Variants in GPN1 observed in about 807,000 individuals in gnomAD.
GPN1 encodes the protein ATP(GTP)-binding protein.
In GPN1, 44 loss-of-function variants were observed where a neutral mutation model predicts 55.9. The ratio of observed to expected loss-of-function variants is 0.79; its 90% CI spans 0.62 to 1.01. The LOEUF is 1.01. Ranked by LOEUF, GPN1 falls within the 50% of genes least tolerant of loss-of-function variation. GPN1 has a pLI of 0.00. For synonymous variants in GPN1, 179 were observed against 162.5 expected (o/e 1.10, Z -0.77); for missense variants, 466 against 462.8 (o/e 1.01, Z -0.06).
Position 27,640,064 on chromosome 2 carries a change from C to G in GPN1, c.739C>G (p.Leu247Val), listed in dbSNP as rs1673877799. 1.2e-6 allele frequency: 2 copies of G among 1,612,156 alleles called. No individual in the cohort carries two copies. Among genetic ancestry groups the G allele is most frequent in the Admixed American group, 1.7e-5 (1 of 59,994 alleles). Residue 247 changes from leucine to valine, a missense_variant, in exon 10 of 14, where the codon CTG (leucine) becomes GTG (valine). By Grantham distance (32) the Leu-to-Val change is conservative (BLOSUM62 1). Coordinates refer to ENST00000610189, the MANE Select transcript of GPN1 (RefSeq NM_007266.4). ...GCAGGTGGTGGGTGTCTCTGCTGTT[C>G]TGGGTACTGGATTAGATGAACTCTT... ...SLRVVGVSAV[L>V]GTGLDELFVQ...
Position 27,647,918 on chromosome 2 carries a change from C to T in GPN1, c.1014C>T (p.Ser338=), listed in dbSNP as rs1674317521. 19 of 1,609,808 alleles carry T rather than the reference C, an allele frequency of 1.2e-5. No individual in the cohort carries two copies. In the East Asian group the frequency reaches 1.8e-4, roughly 15 times the overall value. The stretch of plus-strand genomic sequence containing the variant: ...ATGAAGAGGATGAGGAAGCAGACAG[C>T]GATACTGATGACATTGACCACAGAG... ...TLDEEDEEAD[S]DTDDIDHRVT... is the part of the protein sequence containing the mutation. The change falls in exon 13 of 14, where the codon AGC becomes AGT. Residue 338 remains serine (S), a synonymous_variant. Coordinates refer to ENST00000610189, the MANE Select transcript of GPN1 (RefSeq NM_007266.4).
chr2:27,631,654 C>T (rs1673557014), intron 3 of GPN1, 180 bp from the exon 4 acceptor site: 3 of 609,050 alleles, frequency 4.9e-6, no homozygotes, highest in Non-Finnish European at 8.8e-6. Context: ...AATGAGTGAG[C>T]CAGACCTTGA....
chr2:27,641,214 A>C (rs1386653315), intron 10 of GPN1, 26 bp from the exon 11 acceptor site: 2 of 1,562,664 alleles, frequency 1.3e-6, no homozygotes, highest in Admixed American at 1.7e-5. Flanking sequence ...TAAGCAAAGG[A>C]ATTTAGAAAG....
chr2:27,630,386 GTT>G (rs202052577), intron 2 of GPN1, among the ~76,000 whole-genome samples: 17,676 of 81,646 alleles, frequency 0.22, 1,281 homozygotes, highest in East Asian at 0.33. Flanking sequence ...AACAGCTTAG[GTT>G]TTTTTTTTTT....
chr2:27,632,297 G>C (rs998083687), intron 4 of GPN1, among the ~76,000 whole-genome samples: 3 of 152,158 alleles, frequency 2.0e-5, no homozygotes, highest in Non-Finnish European at 4.4e-5. Context: ...CCATAAGAGT[G>C]TTTTATAATC....
chr2:27,640,901 G>T (rs555351661), intron 10 of GPN1, among the ~76,000 whole-genome samples: 2 of 152,082 alleles, frequency 1.3e-5, no homozygotes, highest in African/African-American at 4.8e-5. Flanking sequence ...GCACATAATT[G>T]TATGTTGCAC....
chr2:27,647,978 G>T, intron 13 of GPN1, 35 bp downstream of exon 13: 1 of 1,153,066 alleles, frequency 8.7e-7, no homozygotes, highest in Non-Finnish European at 1.3e-6. Context: ...TGGCAACAGA[G>T]CATCTGCTTA....
In GPN1 at chr2:27,643,021, AAAT is replaced by A. The variant is rs1224599617; in HGVS notation, c.931+505_931+507del. Among the ~76,000 whole-genome samples the A allele has an allele frequency of 1.3e-5, 2 of 151,184 alleles. No individual in the cohort carries two copies. The highest frequency in any genetic ancestry group is 6.6e-5 in the Admixed American group (1 of 15,068). On this transcript the variant is annotated intron_variant, in intron 12 of 13. Transcript: ENST00000610189. This position sits in a 1 kb window ranked among gnomAD's most constrained non-coding sequence, Gnocchi z 4.0. ...TACATATGCATACATATATATTAAA[AAAT>A]AAAGGATTTGGAAAGGCAAATTTGA...
intron 12 of GPN1, among the ~76,000 whole-genome samples, chr2:27,647,438 C>T (rs1674290909): frequency 6.6e-6 from 1 of 152,122 alleles, no homozygotes; most frequent in Non-Finnish European, 1.5e-5. Context: ...ACATTTCCAC[C>T]AGGAGGCTTC....
rs571256710 is a variant in GPN1 at position 27,629,233 on chromosome 2, C to G, written c.111+64C>G. The G allele has an allele frequency of 2.8e-5, 43 of 1,550,194 alleles. 1 individual carries two copies. The Admixed American group carries it at 6.0e-4, about 22-fold the overall frequency. On this transcript the variant is annotated intron_variant, in intron 1 of 13. Coordinates refer to ENST00000610189, the MANE Select transcript of GPN1 (RefSeq NM_007266.4). ...AGGTTGCCTCCGGCAGGCGGAAGGC[C>G]AGGAAGAAAGGGAGGGAAGAGGATT...
intron 12 of GPN1, among the ~76,000 whole-genome samples, chr2:27,645,170 C>T (rs13403753): frequency 1.3e-5 from 2 of 151,982 alleles, no homozygotes; most frequent in Non-Finnish European, 2.9e-5. Context: ...GAGGTCTCAC[C>T]ATGTTGCCCA....
chr2:27,649,035 G>A (rs1674379774), intron 13 of GPN1, among the ~76,000 whole-genome samples: 1 of 151,728 alleles, frequency 6.6e-6, no homozygotes, highest in Non-Finnish European at 1.5e-5. Context: ...CCTGAGGCCA[G>A]GAGTTCAAGA....
chr2:27,631,933 T>C lies in GPN1; in HGVS notation c.312+33T>C, dbSNP rs138742948. 2.2e-4 allele frequency: 259 copies of C among 1,177,782 alleles called. 3 individuals are homozygous for C. The African/African-American group carries it at 3.6e-3, about 16-fold the overall frequency. 73.0% of individuals were successfully genotyped at this position (1,177,782 alleles called of 1,614,324 possible). A position where few individuals can be genotyped will look rare whatever the true frequency, so the allele number is the denominator to read the frequency against. On this transcript the variant is annotated intron_variant, in intron 4 of 13. Coordinates refer to ENST00000610189, the MANE Select transcript of GPN1 (RefSeq NM_007266.4). Reference sequence around the variant, plus strand: ...TGTCTTTAGTATATTAATATGGTTGTGTAAAAATCTGTGACTCTTAAATTC... The same window carrying C: ...TGTCTTTAGTATATTAATATGGTTGCGTAAAAATCTGTGACTCTTAAATTC...
chr2:27,629,454 G>C (rs1187658621), intron 1 of GPN1: 2 of 1,512,150 alleles, frequency 1.3e-6, no homozygotes, highest in African/African-American at 2.8e-5. Flanking sequence ...CAAGTTACAA[G>C]TAACTTTAAA....
chr2:27,634,742 G>T, intron 5 of GPN1, 104 bp from the exon 6 acceptor site: 1 of 753,276 alleles, frequency 1.3e-6, no homozygotes. Context: ...GTGTGCAGAG[G>T]TTACTCCAGT....
intron 5 of GPN1, among the ~76,000 whole-genome samples, chr2:27,633,782 G>A (rs1397868085): frequency 7.3e-6 from 1 of 136,356 alleles, no homozygotes; most frequent in Non-Finnish European, 1.6e-5. Context: ...TGGCCTGGAG[G>A]TATTTTTTTT....
chr2:27,639,144 T>G (rs78282711), intron 9 of GPN1, 113 bp downstream of exon 9: 2 of 793,050 alleles, frequency 2.5e-6, no homozygotes, highest in African/African-American at 3.4e-5. Flanking sequence ...GAAAAGTAAC[T>G]TTTAAAGCAT....
chr2:27,637,572 A>G (rs1275176542), intron 7 of GPN1, among the ~76,000 whole-genome samples: 1 of 152,176 alleles, frequency 6.6e-6, no homozygotes, highest in African/African-American at 2.4e-5. Context: ...TTCTTTTCCC[A>G]GCCTTATTGA....
rs969206585 is a variant in GPN1 at position 27,631,272 on chromosome 2, T to A, written c.245+206T>A. On this transcript the variant is annotated intron_variant, in intron 3 of 13. Coordinates refer to ENST00000610189, the MANE Select transcript of GPN1 (RefSeq NM_007266.4). ...ACCATCTCCCCAGATGGCAGGCTGT[T>A]GTAATTAAAGAGCAGAGAGTATGAT... The A allele has an allele frequency of 8.7e-6, 5 of 577,128 alleles. No homozygotes were observed. In the Admixed American group the frequency reaches 1.6e-4, roughly 18 times the overall value. 35.8% of individuals were successfully genotyped at this position (577,128 alleles called of 1,614,324 possible).
Sources: gnomAD v4.1 joint callset for allele counts (sites outside exome capture counted in the v4.1 genomes callset) on GRCh38, gnomAD v4.1.1 for gene constraint, Gnocchi (gnomAD v3.1) non-coding constraint, MANE v1.5 for transcripts, NCBI Gene and HGNC (gene_info 2026-07-23, HGNC 2026-07-21) for gene names.